KLF9: variants seen among roughly 807,000 people sequenced by gnomAD.
The protein encoded by KLF9 is KLF transcription factor 9, also known as Krueppel-like factor 9.
A neutral mutation model predicts 17.3 loss-of-function variants in KLF9; 2 were observed. The observed-to-expected ratio is 0.12, with a 90% CI of 0.05 to 0.36. The LOEUF (loss-of-function observed/expected upper bound fraction) is 0.36, where lower values mean the gene tolerates loss of function less well. KLF9 is among the 10% of genes least tolerant of loss of function. KLF9 has a pLI of 1.00. For synonymous variants in KLF9, 138 were observed against 139.2 expected (o/e 0.99, Z 0.06); for missense variants, 226 against 333.2 (o/e 0.68, Z 2.51).
chr9:70,413,250 T>C lies in KLF9; in HGVS notation c.114A>G (p.Leu38=). 2 of 1,613,758 alleles carry C rather than the reference T, an allele frequency of 1.2e-6. No individual in the cohort carries two copies. Among genetic ancestry groups the C allele is most frequent in the Non-Finnish European group, 1.7e-6 (2 of 1,179,984 alleles). The part of the protein sequence containing the change: ...GVAPDAERLR[L]PEREVTKEHG... ...GCTCCTTGGTCACCTCGCGCTCAGG[T>C]AGTCGCAGCCGCTCGGCGTCCGGAG... The change falls in exon 1 of 2, where the codon CTA becomes CTG. Residue 38 remains leucine (L), a synonymous_variant. Coordinates refer to ENST00000377126, the MANE Select transcript of KLF9 (RefSeq NM_001206.4). This position sits in a 1 kb window ranked among gnomAD's most constrained non-coding sequence, Gnocchi z 5.6.
intron 1 of KLF9, 54 bp downstream of exon 1, chr9:70,412,805 T>C: frequency 6.6e-7 from 1 of 1,511,892 alleles, no homozygotes; most frequent in East Asian, 2.3e-5. Flanking sequence ...GAACGCTGCC[T>C]GGCCAAAGGT....
chr9:70,404,914 G>A lies in KLF9; in HGVS notation c.505+7945C>T, dbSNP rs542436400. 3.3e-5 allele frequency among the ~76,000 whole-genome samples: 5 copies of A among 152,246 alleles called. No individual in the cohort carries two copies. The South Asian group carries it at 1.0e-3, about 32-fold the overall frequency. The stretch of plus-strand genomic sequence containing the variant: ...AGACAGGATTCAAAAACCCATGTCA[G>A]AAGGACCCAAAAGCCTGTGCTCTGA... On this transcript the variant is annotated intron_variant, in intron 1 of 1. Coordinates refer to ENST00000377126, the MANE Select transcript of KLF9 (RefSeq NM_001206.4).
chr9:70,387,348 C>A lies in KLF9; in HGVS notation c.*428G>T, dbSNP rs1274404966. 5.5e-6 allele frequency: 1 copy of A among 183,168 alleles called. No homozygotes were observed. Among genetic ancestry groups the A allele is most frequent in the African/African-American group, 2.3e-5 (1 of 42,742 alleles). The allele number at this position is 183,168 out of a possible 1,614,324, so 11.3% of individuals were successfully genotyped here. On this transcript the variant is annotated 3_prime_UTR_variant, in exon 2 of 2. Transcript: ENST00000377126. ...GGCCCAGAATCACTGTGCGAGGCCA[C>A]AGGTCAACTCACCCAGCGGACATAT...
chr9:70,413,254 C>T lies in KLF9; in HGVS notation c.110G>A (p.Arg37Gln). ...HGVAPDAERL[R>Q]LPEREVTKEH... ...CTTGGTCACCTCGCGCTCAGGTAGT[C>T]GCAGCCGCTCGGCGTCCGGAGCGAC... is the stretch of plus-strand genomic sequence containing the variant. The change falls in exon 1 of 2, where the codon CGA becomes CAA. Residue 37 changes from arginine (R) to glutamine (Q), a missense_variant. Arg to Gln is a conservative substitution (Grantham distance 43). Coordinates refer to ENST00000377126, the MANE Select transcript of KLF9 (RefSeq NM_001206.4). This position sits in a 1 kb window ranked among gnomAD's most constrained non-coding sequence, Gnocchi z 5.6. 1.2e-6 allele frequency: 2 copies of T among 1,613,676 alleles called. No homozygotes were observed. Among genetic ancestry groups the T allele is most frequent in the Admixed American group, 1.7e-5 (1 of 60,020 alleles).
At chr9:70,389,507 C>T (rs2037139264) in intron 1 of KLF9, among the ~76,000 whole-genome samples, 1 of 152,158 alleles carries the variant, frequency 6.6e-6, no homozygotes, top group Non-Finnish European at 1.5e-5. Flanking sequence ...TCCTGGGGGT[C>T]CTGGGGACTT....
intron 1 of KLF9, among the ~76,000 whole-genome samples, chr9:70,412,250 T>C (rs2037323718): frequency 7.3e-6 from 1 of 137,094 alleles, no homozygotes; most frequent in Non-Finnish European, 1.5e-5. Context: ...GGAGGACTCA[T>C]GAGTGAAGTT....
intron 1 of KLF9, among the ~76,000 whole-genome samples, chr9:70,404,371 A>C (rs1017369390): frequency 6.6e-6 from 1 of 152,142 alleles, no homozygotes; most frequent in African/African-American, 2.4e-5. Flanking sequence ...AGGCTGAGGC[A>C]GGCAAATGGT....
Position 70,412,186 on chromosome 9 carries a change from CAAAAAA to C in KLF9, c.505+667_505+672del, listed in dbSNP as rs10644898. Among the ~76,000 whole-genome samples, 330 of 47,096 alleles carry C rather than the reference CAAAAAA, an allele frequency of 7.0e-3. 1 individual carries two copies. Among genetic ancestry groups the C allele is most frequent in the African/African-American group, 0.024 (272 of 11,104 alleles). 30.9% of individuals were successfully genotyped at this position (47,096 alleles called of 152,430 possible). Reference sequence around the variant, plus strand: ...GAGGGTGCGACCTAAGTCACATGGCCAAAAAAAAAAAAAAAAAAAAAAAAAAAAGTC... The same window carrying C: ...GAGGGTGCGACCTAAGTCACATGGCCAAAAAAAAAAAAAAAAAAAAAAGTC... On this transcript the variant is annotated intron_variant, in intron 1 of 1. Coordinates refer to ENST00000377126, the MANE Select transcript of KLF9 (RefSeq NM_001206.4).
rs10644898 is a variant in KLF9 at position 70,412,186 on chromosome 9, CAAAAAAAAAAAA to C, written c.505+661_505+672del. Among the ~76,000 whole-genome samples, 26 of 47,122 alleles carry C rather than the reference CAAAAAAAAAAAA, an allele frequency of 5.5e-4. No individual in the cohort carries two copies. In the East Asian group the frequency reaches 7.1e-3, roughly 13 times the overall value. The allele number at this position is 47,122 out of a possible 152,430, so 30.9% of individuals were successfully genotyped here. A position where few individuals can be genotyped will look rare whatever the true frequency, so the allele number is the denominator to read the frequency against. On this transcript the variant is annotated intron_variant, in intron 1 of 1. Transcript: ENST00000377126. ...GAGGGTGCGACCTAAGTCACATGGC[CAAAAAAAAAAAA>C]AAAAAAAAAAAAAAAAGTCAGCTCT...
rs1554708104 is a variant in KLF9 at position 70,409,034 on chromosome 9, ATG to A, written c.505+3823_505+3824del. Among the ~76,000 whole-genome samples, 11 of 99,386 alleles carry A rather than the reference ATG, an allele frequency of 1.1e-4. No homozygotes were observed. The South Asian group carries it at 1.6e-3, about 14-fold the overall frequency. 65.2% of individuals were successfully genotyped at this position (99,386 alleles called of 152,430 possible). ...TATACACATATATGTATATATATAT[ATG>A]TGTATATATATATACATATATGTGT... On this transcript the variant is annotated intron_variant, in intron 1 of 1. Transcript: ENST00000377126.
rs71489076 is a variant in KLF9 at position 70,409,176 on chromosome 9, A to ATGTG, written c.505+3682_505+3683insCACA. ...TATATATATACACATATATGTATAT[A>ATGTG]TATGTATACATATACATGTATATGT... On this transcript the variant is annotated intron_variant, in intron 1 of 1. Transcript: ENST00000377126. Among the ~76,000 whole-genome samples the ATGTG allele has an allele frequency of 1.5e-3, 148 of 102,044 alleles. 23 individuals are homozygous for ATGTG. The highest frequency in any genetic ancestry group is 2.2e-3 in the Non-Finnish European group (102 of 46,112). 66.9% of individuals were successfully genotyped at this position (102,044 alleles called of 152,430 possible).
Position 70,409,036 on chromosome 9 carries a change from G to GCACA in KLF9, c.505+3822_505+3823insTGTG, listed in dbSNP as rs2037279364. 1.6e-5 allele frequency among the ~76,000 whole-genome samples: 2 copies of GCACA among 124,564 alleles called. 1 individual carries two copies. The highest frequency in any genetic ancestry group is 3.3e-5 in the Non-Finnish European group (2 of 60,518). The allele number at this position is 124,564 out of a possible 152,430, so 81.7% of individuals were successfully genotyped here. ...TACACATATATGTATATATATATAT[G>GCACA]TGTATATATATATACATATATGTGT... On this transcript the variant is annotated intron_variant, in intron 1 of 1. Transcript: ENST00000377126.
intron 1 of KLF9, among the ~76,000 whole-genome samples, chr9:70,407,343 T>G (rs1255120104): frequency 6.6e-6 from 1 of 152,190 alleles, no homozygotes; most frequent in East Asian, 1.9e-4. Context: ...CATCTTTGTG[T>G]CTGAAGGTAA....
chr9:70,387,724 G>C lies in KLF9; in HGVS notation c.*52C>G. ...GTTTTCACGCGTCTGTTTCCTGGGA[G>C]TACTTTTCTCCTTTCGGGGTCCATC... is the stretch of plus-strand genomic sequence containing the variant. On this transcript the variant is annotated 3_prime_UTR_variant, in exon 2 of 2. Coordinates refer to ENST00000377126, the MANE Select transcript of KLF9 (RefSeq NM_001206.4). 6.6e-7 allele frequency: 1 copy of C among 1,507,172 alleles called. No individual in the cohort carries two copies. Among genetic ancestry groups the C allele is most frequent in the Non-Finnish European group, 9.2e-7 (1 of 1,084,726 alleles). 93.4% of individuals were successfully genotyped at this position (1,507,172 alleles called of 1,614,324 possible). A position where few individuals can be genotyped will look rare whatever the true frequency, so the allele number is the denominator to read the frequency against.
rs1328728600 is a variant in KLF9 at position 70,386,983 on chromosome 9, G to A, written c.*793C>T. ...TCATCCTCTGCATTAGAAAATAAAAGTGCAGCTTATGTTCAAAAAGTACAA... is the reference window on the plus strand; with the variant it reads ...TCATCCTCTGCATTAGAAAATAAAAATGCAGCTTATGTTCAAAAAGTACAA... On this transcript the variant is annotated 3_prime_UTR_variant, in exon 2 of 2. Coordinates refer to ENST00000377126, the MANE Select transcript of KLF9 (RefSeq NM_001206.4). The A allele has an allele frequency of 2.0e-5, 3 of 152,576 alleles. No individual in the cohort carries two copies. The highest frequency in any genetic ancestry group is 2.0e-4 in the Admixed American group (3 of 15,272). The allele number at this position is 152,576 out of a possible 1,614,324, so 9.5% of individuals were successfully genotyped here.
chr9:70,393,127 C>A (rs1260419374), intron 1 of KLF9, among the ~76,000 whole-genome samples: 1 of 152,188 alleles, frequency 6.6e-6, no homozygotes, highest in Non-Finnish European at 1.5e-5. Context: ...AAAAAAGCTA[C>A]TGAACACTGC....
Position 70,413,289 on chromosome 9 carries a change from C to T in KLF9, c.75G>A (p.Pro25=), listed in dbSNP as rs1463895302. 1 of 1,611,832 alleles carries T rather than the reference C, an allele frequency of 6.2e-7. No individual in the cohort carries two copies. Among genetic ancestry groups the T allele is most frequent in the Non-Finnish European group, 8.5e-7 (1 of 1,179,442 alleles). ...CGGCGTCCGGAGCGACCCCATGCTC[C>T]GGCACCGCAGCGCGGTTCGAAATGG... is the stretch of plus-strand genomic sequence containing the variant. ...LVSISNRAAV[P]EHGVAPDAER... is the part of the protein sequence containing the mutation. The change falls in exon 1 of 2, where the codon CCG becomes CCA. Residue 25 remains proline (P), a synonymous_variant. Coordinates refer to ENST00000377126, the MANE Select transcript of KLF9 (RefSeq NM_001206.4). The surrounding 1 kb of genome is among the most constrained non-coding windows in gnomAD (Gnocchi z 5.6).
chr9:70,395,399 T>TAAAG (rs60423197), intron 1 of KLF9, among the ~76,000 whole-genome samples: 90,398 of 151,540 alleles, frequency 0.6, 27,300 homozygotes, highest in East Asian at 0.84. Flanking sequence ...AATCCTGGAA[T>TAAAG]AGAGACTTTC....
chr9:70,407,778 G>A (rs2118925018), intron 1 of KLF9, among the ~76,000 whole-genome samples: 1 of 152,328 alleles, frequency 6.6e-6, no homozygotes, highest in South Asian at 2.1e-4. Flanking sequence ...TGATTCAAGG[G>A]AGTTTTACCC....
Sources: gnomAD v4.1 joint callset for allele counts (sites outside exome capture counted in the v4.1 genomes callset) on GRCh38, gnomAD v4.1.1 for gene constraint, Gnocchi (gnomAD v3.1) non-coding constraint, MANE v1.5 for transcripts, NCBI Gene and HGNC (gene_info 2026-07-23, HGNC 2026-07-21) for gene names.